Variants in GRIN3A observed in about 807,000 individuals in gnomAD.
The protein encoded by GRIN3A is glutamate receptor ionotropic, NMDA 3A.
A neutral mutation model predicts 92.4 loss-of-function variants in GRIN3A; 47 were observed. The ratio of observed to expected loss-of-function variants is 0.51; its 90% CI spans 0.40 to 0.65. GRIN3A has a LOEUF of 0.65. Among genes scored for constraint, GRIN3A ranks in the 30% least tolerant of loss-of-function variants. The pLI is 0.00. For missense variants in GRIN3A, 1,324 were observed against 1,393.1 expected, an observed-to-expected ratio of 0.95 and a Z score of 0.79; for synonymous variants, 527 against 540.6, an observed-to-expected ratio of 0.97 and a Z score of 0.35.
intron 6 of GRIN3A, chr9:101,591,924 C>A (rs1374323073): frequency 6.6e-6 from 1 of 152,154 alleles, no homozygotes. Context: ...GCATGTAATC[C>A]AATATGTTTC....
chr9:101,718,445 C>T (rs1772152653), intron 1 of GRIN3A, among the ~76,000 whole-genome samples: 1 of 152,122 alleles, frequency 6.6e-6, no homozygotes, highest in Non-Finnish European at 1.5e-5. Context: ...TAGTATTCCA[C>T]ATTTAGGCAT....
intron 1 of GRIN3A, among the ~76,000 whole-genome samples, chr9:101,705,303 A>G (rs1017325742): frequency 3.4e-4 from 51 of 152,146 alleles, no homozygotes; most frequent in Non-Finnish European, 7.4e-5. Flanking sequence ...AGAGAACAGT[A>G]GGGCAGCGCC....
At chr9:101,636,518 C>A (rs2118893671) in intron 3 of GRIN3A, among the ~76,000 whole-genome samples, 1 of 152,298 alleles carries the variant, frequency 6.6e-6, no homozygotes, top group South Asian at 2.1e-4. Context: ...TGGAATATGG[C>A]AGATCAAGGA....
At chr9:101,720,553 C>A (rs1829999094) in intron 1 of GRIN3A, among the ~76,000 whole-genome samples, 1 of 152,160 alleles carries the variant, frequency 6.6e-6, no homozygotes, top group Admixed American at 6.5e-5. Context: ...AATACCAGAA[C>A]TCTGCTATAC....
intron 3 of GRIN3A, among the ~76,000 whole-genome samples, chr9:101,657,876 C>G (rs1829110925): frequency 6.6e-6 from 1 of 151,896 alleles, no homozygotes; most frequent in African/African-American, 2.4e-5. Context: ...TTATTCCTGC[C>G]TGCATCTGTG....
chr9:101,609,836 C>G (rs928519277), intron 6 of GRIN3A, among the ~76,000 whole-genome samples: 4 of 152,306 alleles, frequency 2.6e-5, no homozygotes, highest in South Asian at 2.1e-4. Flanking sequence ...CTCCTTTTCT[C>G]TTAATGATTT....
chr9:101,589,659 A>G (rs971013449), intron 6 of GRIN3A, among the ~76,000 whole-genome samples: 4 of 152,028 alleles, frequency 2.6e-5, no homozygotes, highest in African/African-American at 9.7e-5. Flanking sequence ...CTAACATGTT[A>G]TGTTTCTCCC....
intron 1 of GRIN3A, among the ~76,000 whole-genome samples, chr9:101,690,566 C>A (rs995650771): frequency 6.6e-6 from 1 of 152,148 alleles, no homozygotes; most frequent in Non-Finnish European, 1.5e-5. Flanking sequence ...ATCAAAGAAT[C>A]ATTCAGTGGT....
In GRIN3A at chr9:101,625,592, G is replaced by A. The variant is rs1044443701; in HGVS notation, c.2499-2159C>T. Among the ~76,000 whole-genome samples, 114 of 152,218 alleles carry A rather than the reference G, an allele frequency of 7.5e-4. 1 individual carries two copies. The highest frequency in any genetic ancestry group is 2.7e-3 in the African/African-American group (111 of 41,532). On this transcript the variant is annotated intron_variant, in intron 4 of 8. Transcript: ENST00000361820. ...TTTAAAATGCATCCCCTTTTCAAAG[G>A]GGTATCAGATTTAAGTTACAATGAG...
chr9:101,654,483 A>C (rs975512275), intron 3 of GRIN3A, among the ~76,000 whole-genome samples: 1 of 151,610 alleles, frequency 6.6e-6, no homozygotes, highest in African/African-American at 2.4e-5. Flanking sequence ...TTTCTTGTTG[A>C]TGTCTAGTCT....
intron 1 of GRIN3A, among the ~76,000 whole-genome samples, chr9:101,687,643 A>G (rs1437909278): frequency 6.6e-6 from 1 of 152,246 alleles, no homozygotes; most frequent in Non-Finnish European, 1.5e-5. Flanking sequence ...AATCTTAGCA[A>G]AATGCAGGTA....
intron 6 of GRIN3A, among the ~76,000 whole-genome samples, chr9:101,607,428 G>A (rs575573503): frequency 1.3e-5 from 2 of 152,234 alleles, no homozygotes; most frequent in East Asian, 3.9e-4. Flanking sequence ...CTAGCAAAAT[G>A]GTATGTAAGG....
chr9:101,709,312 G>A (rs1257933771), intron 1 of GRIN3A, among the ~76,000 whole-genome samples: 1 of 152,168 alleles, frequency 6.6e-6, no homozygotes, highest in African/African-American at 2.4e-5. Flanking sequence ...AATAAATACA[G>A]TTTCAAGGTG....
chr9:101,630,416 G>C (rs1828695555), intron 3 of GRIN3A, among the ~76,000 whole-genome samples: 1 of 152,118 alleles, frequency 6.6e-6, no homozygotes, highest in African/African-American at 2.4e-5. Flanking sequence ...AGTAATCTTT[G>C]ACCTTTCCGT....
chr9:101,726,645 A>C (rs1237469669), intron 1 of GRIN3A, among the ~76,000 whole-genome samples: 1 of 151,894 alleles, frequency 6.6e-6, no homozygotes, highest in East Asian at 1.9e-4. Context: ...GTCACTACCC[A>C]TATGTTCCCA....
intron 3 of GRIN3A, among the ~76,000 whole-genome samples, chr9:101,665,220 G>T (rs1480768052): frequency 1.3e-5 from 2 of 151,878 alleles, no homozygotes; most frequent in African/African-American, 4.8e-5. Context: ...TGTCTGGATC[G>T]CCTCTAAGAG....
chr9:101,641,583 G>A (rs1206024980), intron 3 of GRIN3A, among the ~76,000 whole-genome samples: 1 of 149,740 alleles, frequency 6.7e-6, no homozygotes, highest in Non-Finnish European at 1.5e-5. Flanking sequence ...TGAACAATGA[G>A]AACACATGGA....
chr9:101,627,317 C>T (rs760992350), intron 4 of GRIN3A, among the ~76,000 whole-genome samples: 7 of 152,072 alleles, frequency 4.6e-5, no homozygotes, highest in Non-Finnish European at 5.9e-5. Context: ...GTTAAAAGTC[C>T]ATAAAATTTT....
At chr9:101,590,346 C>CTT (rs1828005846) in intron 6 of GRIN3A, among the ~76,000 whole-genome samples, 1 of 143,330 alleles carries the variant, frequency 7.0e-6, no homozygotes, top group Non-Finnish European at 1.5e-5. Context: ...TAATGACACT[C>CTT]TATTTATTTA....
Sources: allele counts gnomAD v4.1 joint callset (sites outside exome capture counted in the v4.1 genomes callset), GRCh38; gene constraint gnomAD v4.1.1; transcripts MANE v1.5; gene names NCBI Gene and HGNC (gene_info 2026-07-23, HGNC 2026-07-21).